The following CDC42SE2 variants were observed in gnomAD, a reference collection of about 807,000 sequenced individuals.
The protein encoded by CDC42SE2 is CDC42 small effector 2.
A neutral mutation model predicts 11.5 loss-of-function variants in CDC42SE2; 3 were observed. The ratio of observed to expected loss-of-function variants is 0.26; its 90% CI spans 0.12 to 0.67. CDC42SE2 has a LOEUF of 0.67. Ranked by LOEUF, CDC42SE2 falls within the 30% of genes least tolerant of loss-of-function variation. The pLI, the probability that CDC42SE2 is intolerant of heterozygous loss-of-function variation, is 0.80. For synonymous variants in CDC42SE2, 33 were observed against 34.8 expected (o/e 0.95, Z 0.18); for missense variants, 82 against 106.8 (o/e 0.77, Z 1.02).
upstream of CDC42SE2, chr5:131,263,943 G>A (rs1756791830): frequency 6.6e-6 from 1 of 151,728 alleles, no homozygotes; most frequent in African/African-American, 2.4e-5. Flanking sequence ...GGCCAGCACT[G>A]CGGTCGCTGC....
At chr5:131,217,023 C>A in the CDC42SE2 span, among the ~76,000 whole-genome samples, 1 of 152,144 alleles carries the variant, frequency 6.6e-6, no homozygotes, top group Non-Finnish European at 1.5e-5. Context: ...AGGGGGCTGC[C>A]TGAGATCTAT....
chr5:131,333,528 A>C (rs997806832), intron 2 of CDC42SE2, among the ~76,000 whole-genome samples: 11 of 152,144 alleles, frequency 7.2e-5, no homozygotes, highest in African/African-American at 2.2e-4. Flanking sequence ...ATTGATGGGG[A>C]TGGCATTGAA....
chr5:131,332,751 CT>C (rs1758452521), intron 2 of CDC42SE2, among the ~76,000 whole-genome samples: 2 of 152,122 alleles, frequency 1.3e-5, no homozygotes, highest in Non-Finnish European at 2.9e-5. Context: ...TGTTTTTTGG[CT>C]GCATAAATGT....
the CDC42SE2 span, among the ~76,000 whole-genome samples, chr5:131,228,668 C>T: frequency 6.6e-6 from 1 of 152,124 alleles, no homozygotes; most frequent in African/African-American, 2.4e-5. Context: ...GTTTGTGTCC[C>T]CCTCAAATCA....
chr5:131,231,927 G>A, the CDC42SE2 span, among the ~76,000 whole-genome samples: 1 of 151,954 alleles, frequency 6.6e-6, no homozygotes, highest in Non-Finnish European at 1.5e-5. Context: ...AAGCAGCTGG[G>A]ATTACAGGTG....
intron 3 of CDC42SE2, among the ~76,000 whole-genome samples, chr5:131,363,857 G>A (rs1370482982): frequency 6.6e-6 from 1 of 151,634 alleles, no homozygotes. Context: ...CACCACACCC[G>A]GTTAATTTTT....
At chr5:131,378,821 G>GT (rs1177200513) in intron 3 of CDC42SE2, among the ~76,000 whole-genome samples, 2 of 151,230 alleles carry the variant, frequency 1.3e-5, no homozygotes, top group African/African-American at 4.9e-5. Context: ...TAGTGCTTGG[G>GT]TTTTTTTCAC....
chr5:131,333,063 A>G (rs1354998464), intron 2 of CDC42SE2, among the ~76,000 whole-genome samples: 1 of 152,196 alleles, frequency 6.6e-6, no homozygotes, highest in Non-Finnish European at 1.5e-5. Flanking sequence ...CCTGAATGGT[A>G]TTGCCTAGGT....
At chr5:131,281,720 A>G (rs1212473501) in intron 1 of CDC42SE2, among the ~76,000 whole-genome samples, 2 of 152,314 alleles carry the variant, frequency 1.3e-5, no homozygotes, top group East Asian at 3.9e-4. Flanking sequence ...ATAGTCATTT[A>G]GCTTGGAAAG....
At chr5:131,310,058 T>TAAA (rs1326449064) in intron 1 of CDC42SE2, among the ~76,000 whole-genome samples, 14 of 152,236 alleles carry the variant, frequency 9.2e-5, no homozygotes, top group Non-Finnish European at 1.9e-4. Context: ...ATTTTGGATC[T>TAAA]TTCCTGCTTT....
chr5:131,380,902 G>A (rs1358038547), intron 3 of CDC42SE2, among the ~76,000 whole-genome samples: 3 of 152,104 alleles, frequency 2.0e-5, no homozygotes, highest in Non-Finnish European at 4.4e-5. Context: ...CCCCTGCAGC[G>A]TGTCTTCTCC....
chr5:131,284,044 C>A (rs1757293121), intron 1 of CDC42SE2, among the ~76,000 whole-genome samples: 1 of 152,132 alleles, frequency 6.6e-6, no homozygotes, highest in Admixed American at 6.5e-5. Context: ...AACTGCTAGT[C>A]TGTTTTCTAA....
intron 4 of CDC42SE2, among the ~76,000 whole-genome samples, chr5:131,389,222 T>A (rs1463843512): frequency 1.3e-5 from 2 of 152,186 alleles, no homozygotes; most frequent in African/African-American, 4.8e-5. Flanking sequence ...ATCAGGTTTG[T>A]GCCACATAAC....
intron 3 of CDC42SE2, among the ~76,000 whole-genome samples, chr5:131,362,449 C>A (rs1005466403): frequency 6.6e-6 from 1 of 152,110 alleles, no homozygotes; most frequent in East Asian, 1.9e-4. Context: ...AAAGACATAT[C>A]CTTGGTATTC....
At chr5:131,223,218 C>T in the CDC42SE2 span, among the ~76,000 whole-genome samples, 1 of 152,194 alleles carries the variant, frequency 6.6e-6, no homozygotes, top group Non-Finnish European at 1.5e-5. Context: ...CTAGTCCCAC[C>T]AGACATTTTA....
chr5:131,264,329 G>A (rs1756806173), intron 1 of CDC42SE2, among the ~76,000 whole-genome samples, 163 bp downstream of exon 1: 3 of 152,164 alleles, frequency 2.0e-5, no homozygotes, highest in African/African-American at 7.2e-5. Flanking sequence ...CTGAGCCTGC[G>A]TCTTCCATTT....
At chr5:131,293,932 G>A (rs1271076937) in intron 1 of CDC42SE2, among the ~76,000 whole-genome samples, 1 of 152,122 alleles carries the variant, frequency 6.6e-6, no homozygotes, top group Non-Finnish European at 1.5e-5. Context: ...AGGCAACTGG[G>A]ACAAATTCGA....
intron 2 of CDC42SE2, 95 bp downstream of exon 2, chr5:131,316,239 T>G (rs1561582144): frequency 6.6e-6 from 1 of 152,356 alleles, no homozygotes; most frequent in Non-Finnish European, 1.5e-5. Flanking sequence ...TTGCTGACAT[T>G]AATTTTTATA....
intron 3 of CDC42SE2, among the ~76,000 whole-genome samples, chr5:131,361,520 T>C (rs538787930): frequency 4.6e-5 from 7 of 152,304 alleles, no homozygotes; most frequent in South Asian, 4.1e-4. Flanking sequence ...GATGAATCTT[T>C]ATAGCTGAAG....
Sources: allele counts gnomAD v4.1 joint callset (sites outside exome capture counted in the v4.1 genomes callset), GRCh38; gene constraint gnomAD v4.1.1; transcripts MANE v1.5; gene names NCBI Gene and HGNC (gene_info 2026-07-23, HGNC 2026-07-21).